The following TRHDE variants were observed in gnomAD, a reference collection of about 807,000 sequenced individuals.
TRHDE encodes the protein thyrotropin releasing hormone degrading enzyme.
In TRHDE, 72 loss-of-function variants were observed where a neutral mutation model predicts 125.7. That is an observed-to-expected ratio of 0.57 (90% CI 0.47 to 0.70). The LOEUF is 0.70. Ranked by LOEUF, TRHDE falls within the 30% of genes least tolerant of loss-of-function variation. The pLI is 0.00. For missense variants in TRHDE, 1,110 were observed against 1,327.1 expected (o/e 0.84, Z 2.54); for synonymous variants, 509 against 509.1 (o/e 1.00, Z 0.00).
chr12:72,370,729 G>A (rs1871540661), intron 2 of TRHDE, among the ~76,000 whole-genome samples: 1 of 151,780 alleles, frequency 6.6e-6, no homozygotes. Flanking sequence ...CACTTTAAAA[G>A]AATGTATTGT....
intron 2 of TRHDE, among the ~76,000 whole-genome samples, chr12:72,334,420 C>T (rs1168674557): frequency 1.3e-5 from 2 of 152,202 alleles, no homozygotes; most frequent in African/African-American, 2.4e-5. Context: ...TAAGAGTCCA[C>T]AACTAAATTG....
At chr12:72,224,538 T>A (rs910300251) in intron 2 of TRHDE, among the ~76,000 whole-genome samples, 8 of 152,094 alleles carry the variant, frequency 5.3e-5, no homozygotes, top group Non-Finnish European at 1.0e-4. Flanking sequence ...TCAGGTCACA[T>A]GATTCCCCAA....
At chr12:72,191,948 G>C (rs1245181298) in intron 2 of TRHDE, among the ~76,000 whole-genome samples, 1 of 152,138 alleles carries the variant, frequency 6.6e-6, no homozygotes, top group Non-Finnish European at 1.5e-5. Flanking sequence ...CTGCCTAAAA[G>C]TCTCTAAATA....
chr12:72,358,058 G>T (rs965674903), intron 2 of TRHDE, among the ~76,000 whole-genome samples: 5 of 151,480 alleles, frequency 3.3e-5, no homozygotes, highest in African/African-American at 4.8e-5. Flanking sequence ...TCAATTTTGT[G>T]GATTGCAACT....
chr12:72,668,800 G>C lies in TRHDE; in HGVS notation c.*5605G>C, dbSNP rs371742738. On this transcript the variant is annotated 3_prime_UTR_variant, in exon 19 of 19. Transcript: ENST00000261180. ...ATAATTAATTAGTGGTATTCACTTG[G>C]ATTCAAAACTCTGCAAACTGAAGCC... is the stretch of plus-strand genomic sequence containing the variant. 4 of 151,746 alleles carry C rather than the reference G, an allele frequency of 2.6e-5. No homozygotes were observed. The East Asian group carries it at 7.8e-4, about 29-fold the overall frequency. The allele number at this position is 151,746 out of a possible 1,614,324, so 9.4% of individuals were successfully genotyped here. A position where few individuals can be genotyped will look rare whatever the true frequency, so the allele number is the denominator to read the frequency against.
rs552759922 is a variant in TRHDE, at chr12:72,558,557, A to T, written c.1789-3608A>T. ...GTTTGGACTATATTCTGAACATAGC[A>T]GGGATTTATGTGTGTATTTGATCAA... On this transcript the variant is annotated intron_variant, in intron 7 of 18. Coordinates refer to ENST00000261180, the MANE Select transcript of TRHDE (RefSeq NM_013381.3). Among the ~76,000 whole-genome samples the T allele has an allele frequency of 2.2e-3, 336 of 152,276 alleles. 2 individuals are homozygous for T. The highest frequency in any genetic ancestry group is 7.6e-3 in the African/African-American group (314 of 41,582).
intron 2 of TRHDE, among the ~76,000 whole-genome samples, chr12:72,135,717 C>T (rs892608642): frequency 5.3e-5 from 8 of 152,068 alleles, no homozygotes; most frequent in African/African-American, 9.7e-5. Flanking sequence ...CTAGACTTAC[C>T]GCTGAACTCT....
rs533546974 is a variant in TRHDE at position 72,438,883 on chromosome 12, A to G, written c.1316-30875A>G. Among the ~76,000 whole-genome samples the G allele has an allele frequency of 5.9e-5, 9 of 151,938 alleles. No homozygotes were observed. The East Asian group carries it at 1.7e-3, about 29-fold the overall frequency. ...AAGGTGTTGGAGCATTTCCCCTTTT[A>G]GTAGTTTCGTAGTTTTGAACCTTAT... On this transcript the variant is annotated intron_variant, in intron 3 of 18. Coordinates refer to ENST00000261180, the MANE Select transcript of TRHDE (RefSeq NM_013381.3).
At chr12:72,550,100 A>G (rs1242359668) in intron 7 of TRHDE, among the ~76,000 whole-genome samples, 1 of 151,902 alleles carries the variant, frequency 6.6e-6, no homozygotes, top group African/African-American at 2.4e-5. Context: ...AATCGGGTTG[A>G]TATTATAAAA....
intron 6 of TRHDE, among the ~76,000 whole-genome samples, chr12:72,519,861 C>G (rs1227566129): frequency 1.3e-5 from 2 of 152,156 alleles, no homozygotes; most frequent in Non-Finnish European, 2.9e-5. Context: ...TTCCTTCTAA[C>G]AGACAGGACC....
chr12:72,246,168 T>C (rs2139383891), intron 2 of TRHDE, among the ~76,000 whole-genome samples: 1 of 152,248 alleles, frequency 6.6e-6, no homozygotes, highest in South Asian at 2.1e-4. Flanking sequence ...TTAATTGATA[T>C]TGTCCTCAAA....
chr12:72,569,987 T>C (rs1254331116), intron 10 of TRHDE, among the ~76,000 whole-genome samples: 2 of 152,206 alleles, frequency 1.3e-5, no homozygotes, highest in African/African-American at 2.4e-5. Context: ...TGAGTTGTTA[T>C]AATGATCAAA....
In TRHDE at chr12:72,564,653, A is replaced by ATTTTTTTTTTTTTTTTTTTT. The variant is rs538823843; in HGVS notation, c.2042+1626_2042+1645dup. On this transcript the variant is annotated intron_variant, in intron 9 of 18. Transcript: ENST00000261180. ...TGGAATTATAAAATCATGCGTATGA[A>ATTTTTTTTTTTTTTTTTTTT]TTTTTTTTTTTTTTTTTTTTTTTTT... is the stretch of plus-strand genomic sequence containing the variant. 1.8e-4 allele frequency among the ~76,000 whole-genome samples: 10 copies of ATTTTTTTTTTTTTTTTTTTT among 54,316 alleles called. 3 individuals carry two copies. Among genetic ancestry groups the ATTTTTTTTTTTTTTTTTTTT allele is most frequent in the Non-Finnish European group, 2.3e-4 (7 of 30,572 alleles). 35.6% of individuals were successfully genotyped at this position (54,316 alleles called of 152,430 possible).
chr12:72,365,769 C>T (rs571250334), intron 2 of TRHDE, among the ~76,000 whole-genome samples: 4 of 152,184 alleles, frequency 2.6e-5, no homozygotes, highest in South Asian at 2.1e-4. Flanking sequence ...CCATTGCAGC[C>T]GTAAGAAATT....
chr12:72,475,904 G>GT (rs200880586), intron 5 of TRHDE, among the ~76,000 whole-genome samples: 9 of 151,642 alleles, frequency 5.9e-5, no homozygotes, highest in East Asian at 1.9e-4. Flanking sequence ...ATTATGATGG[G>GT]TTTTTTTTGT....
At chr12:72,624,052 C>A (rs1303564802) in intron 15 of TRHDE, among the ~76,000 whole-genome samples, 3 of 151,964 alleles carry the variant, frequency 2.0e-5, no homozygotes, top group African/African-American at 7.2e-5. Flanking sequence ...ATTTGCTTAA[C>A]CCACTACATG....
intron 3 of TRHDE, among the ~76,000 whole-genome samples, chr12:72,410,429 A>G (rs191198751): frequency 9.5e-4 from 144 of 152,234 alleles, no homozygotes; most frequent in African/African-American, 3.1e-3. Context: ...ATCAGAACCT[A>G]ACACAGCCAT....
At chr12:72,239,579 A>G (rs951711449) in intron 2 of TRHDE, among the ~76,000 whole-genome samples, 9 of 152,160 alleles carry the variant, frequency 5.9e-5, no homozygotes, top group African/African-American at 2.2e-4. Context: ...ATGGATTTCA[A>G]TGTGGACTGT....
chr12:72,317,300 C>T (rs545647676), intron 2 of TRHDE, among the ~76,000 whole-genome samples: 1 of 152,064 alleles, frequency 6.6e-6, no homozygotes, highest in South Asian at 2.1e-4. Context: ...TAGGGAGATA[C>T]AAGTGGGTAA....
Sources: allele counts gnomAD v4.1 joint callset (sites outside exome capture counted in the v4.1 genomes callset), GRCh38; gene constraint gnomAD v4.1.1; transcripts MANE v1.5; gene names NCBI Gene and HGNC (gene_info 2026-07-23, HGNC 2026-07-21).